The following TRPM3 variants were observed in gnomAD, a reference collection of about 807,000 sequenced individuals.
The protein encoded by TRPM3 is transient receptor potential cation channel subfamily M member 3.
TRPM3 carries 77 observed loss-of-function variants against 181.2 expected under a neutral mutation model. That is an observed-to-expected ratio of 0.42 (90% CI 0.35 to 0.51). TRPM3 has a LOEUF of 0.51. Ranked by LOEUF, TRPM3 falls within the 20% of genes least tolerant of loss-of-function variation. The pLI, the probability that TRPM3 is intolerant of heterozygous loss-of-function variation, is 0.01. For synonymous variants in TRPM3, 745 were observed against 796.4 expected (o/e 0.94, Z 1.09); for missense variants, 1,759 against 2,196.7 (o/e 0.80, Z 3.98).
chr9:71,142,265 T>C (rs1448071636), intron 1 of TRPM3, among the ~76,000 whole-genome samples: 27 of 152,178 alleles, frequency 1.8e-4, no homozygotes, highest in Admixed American at 1.8e-3. Flanking sequence ...AAAACCGTTT[T>C]GCATGTGGTG....
At position 70,888,362 on chromosome 9, in the gene TRPM3, GGTGTGTGTGT is replaced by G. The variant is rs71367235; in HGVS notation, c.178-23861_178-23852del. 6.5e-4 allele frequency among the ~76,000 whole-genome samples: 94 copies of G among 143,730 alleles called. 1 individual carries two copies. Among genetic ancestry groups the G allele is most frequent in the South Asian group, 1.1e-3 (5 of 4,416 alleles). The allele number at this position is 143,730 out of a possible 152,430, so 94.3% of individuals were successfully genotyped here. A position where few individuals can be genotyped will look rare whatever the true frequency, so the allele number is the denominator to read the frequency against. ...TTTTTTGCTCTTGCTTTTATTTTGG[GGTGTGTGTGT>G]GTGTGTGTGTGTGTGTGTGTGTGTG... On this transcript the variant is annotated intron_variant, in intron 1 of 25. Coordinates refer to ENST00000677713, the MANE Select transcript of TRPM3 (RefSeq NM_001366145.2).
chr9:71,393,455 G>T (rs2093113050), intron 1 of TRPM3, among the ~76,000 whole-genome samples: 1 of 152,174 alleles, frequency 6.6e-6, no homozygotes, highest in African/African-American at 2.4e-5. Context: ...CTAATTAAGA[G>T]TGCTTGAAAG....
chr9:70,817,276 G>A lies in TRPM3; in HGVS notation c.973+10571C>T, dbSNP rs182179893. Among the ~76,000 whole-genome samples, 157 of 152,288 alleles carry A rather than the reference G, an allele frequency of 1.0e-3. 1 individual carries two copies. Among genetic ancestry groups the A allele is most frequent in the Non-Finnish European group, 1.7e-3 (116 of 68,026 alleles). On this transcript the variant is annotated intron_variant, in intron 6 of 25. Transcript: ENST00000677713. ...TGTGTGACTTCCTCACTGTGCCTTCGAAAGGAAGGGCAGGGCCTCCCCTTG... is the reference window on the plus strand; with the variant it reads ...TGTGTGACTTCCTCACTGTGCCTTCAAAAGGAAGGGCAGGGCCTCCCCTTG...
intron 1 of TRPM3, among the ~76,000 whole-genome samples, chr9:70,956,500 A>T (rs2097073961): frequency 6.6e-6 from 1 of 152,140 alleles, no homozygotes; most frequent in Admixed American, 6.6e-5. Context: ...CTTACTGTTG[A>T]CTAAACTAGG....
chr9:70,592,098 T>C (rs1226937249), intron 21 of TRPM3, among the ~76,000 whole-genome samples: 9 of 152,226 alleles, frequency 5.9e-5, no homozygotes, highest in Non-Finnish European at 1.3e-4. Context: ...TTATTTTCCT[T>C]TTATCACTCA....
intron 1 of TRPM3, among the ~76,000 whole-genome samples, chr9:71,071,576 A>G (rs1265142794): frequency 6.6e-6 from 1 of 152,206 alleles, no homozygotes; most frequent in Non-Finnish European, 1.5e-5. Context: ...ATTGTAATCC[A>G]CATCCCACAT....
chr9:70,921,942 A>AACACACACACACACACACACACAC (rs71367238), intron 1 of TRPM3, among the ~76,000 whole-genome samples: 23 of 139,390 alleles, frequency 1.7e-4, no homozygotes, highest in Non-Finnish European at 2.5e-4. Context: ...CACACAAACA[A>AACACACACACACACACACACACAC]ACACACACAC....
At chr9:70,803,031 TGTAAAAAAA>T (rs1389804125) in intron 6 of TRPM3, among the ~76,000 whole-genome samples, 98 of 63,252 alleles carry the variant, frequency 1.5e-3, no homozygotes, top group Non-Finnish European at 2.3e-3. Flanking sequence ...GGAGAAATTT[TGTAAAAAAA>T]AAAAAAAAAA....
Position 70,621,457 on chromosome 9 carries a change from C to T in TRPM3, c.1810-184G>A, listed in dbSNP as rs570965176. On this transcript the variant is annotated intron_variant, in intron 14 of 25. Coordinates refer to ENST00000677713, the MANE Select transcript of TRPM3 (RefSeq NM_001366145.2). The stretch of plus-strand genomic sequence containing the variant: ...ATGGTTCACTGCAGCCTCAACCTCC[C>T]GGGCTCAAGTGATTCTCCTACTTCA... 7.9e-5 allele frequency among the ~76,000 whole-genome samples: 12 copies of T among 152,108 alleles called. No homozygotes were observed. In the South Asian group the frequency reaches 1.0e-3, roughly 13 times the overall value.
At chr9:70,936,898 A>G (rs2096833752) in intron 1 of TRPM3, among the ~76,000 whole-genome samples, 1 of 152,188 alleles carries the variant, frequency 6.6e-6, no homozygotes, top group Non-Finnish European at 1.5e-5. Flanking sequence ...CTAGGCTCTT[A>G]GCTCCAAAGA....
intron 6 of TRPM3, among the ~76,000 whole-genome samples, chr9:70,804,710 C>T (rs991985574): frequency 6.6e-6 from 1 of 151,500 alleles, no homozygotes; most frequent in Non-Finnish European, 1.5e-5. Flanking sequence ...CTTCCCTTCC[C>T]TTCTCTTCTC....
intron 9 of TRPM3, among the ~76,000 whole-genome samples, chr9:70,647,924 A>G (rs1471923943): frequency 6.6e-5 from 10 of 152,234 alleles, no homozygotes; most frequent in Non-Finnish European, 1.3e-4. Context: ...ACAAATCAAG[A>G]ATGCAATATC....
intron 8 of TRPM3, among the ~76,000 whole-genome samples, chr9:70,741,940 C>A (rs538847276): frequency 2.6e-5 from 4 of 152,222 alleles, no homozygotes; most frequent in African/African-American, 7.2e-5. Context: ...TTCATGTAAC[C>A]AAACACCATC....
chr9:71,130,801 T>C (rs116705689), intron 1 of TRPM3, among the ~76,000 whole-genome samples: 133 of 152,210 alleles, frequency 8.7e-4, no homozygotes, highest in African/African-American at 3.1e-3. Context: ...GAGATGATAA[T>C]AGAGAAAGAA....
chr9:71,334,373 T>C (rs1331884312), intron 1 of TRPM3, among the ~76,000 whole-genome samples: 1 of 151,800 alleles, frequency 6.6e-6, no homozygotes, highest in Non-Finnish European at 1.5e-5. Context: ...TTAACATACA[T>C]GAGTTGCAAA....
Position 71,269,550 on chromosome 9 carries a change from G to A in TRPM3, c.183+177103C>T, listed in dbSNP as rs185491685. On this transcript the variant is annotated intron_variant, in intron 1 of 24. Coordinates refer to the TRPM3 transcript ENST00000357533. ...TTTATAAAGAGCAAGACTCATCACT[G>A]GCCAGTGAGCTGGGAGAGTGGGCTC... is the stretch of plus-strand genomic sequence containing the variant. Among the ~76,000 whole-genome samples the A allele has an allele frequency of 1.7e-3, 262 of 152,264 alleles. 4 individuals are homozygous for A. The Middle Eastern group carries it at 0.02, about 12-fold the overall frequency.
At chr9:70,924,936 A>T (rs951058577) in intron 1 of TRPM3, among the ~76,000 whole-genome samples, 1 of 152,208 alleles carries the variant, frequency 6.6e-6, no homozygotes, top group African/African-American at 2.4e-5. Context: ...GAGAAGGAGA[A>T]GATGATGATC....
At chr9:70,698,350 G>T (rs1390962418) in intron 8 of TRPM3, among the ~76,000 whole-genome samples, 1 of 152,072 alleles carries the variant, frequency 6.6e-6, no homozygotes, top group South Asian at 2.1e-4. Context: ...TCTCTTACTA[G>T]CTGTGTCTGC....
At chr9:71,391,271 C>A (rs1002908759) in intron 1 of TRPM3, among the ~76,000 whole-genome samples, 3 of 151,930 alleles carry the variant, frequency 2.0e-5, no homozygotes, top group Non-Finnish European at 4.4e-5. Context: ...CTATTTTACA[C>A]AACAGGAAAC....
Sources: gnomAD v4.1 joint callset for allele counts (sites outside exome capture counted in the v4.1 genomes callset) on GRCh38, gnomAD v4.1.1 for gene constraint, MANE v1.5 for transcripts, NCBI Gene and HGNC (gene_info 2026-07-23, HGNC 2026-07-21) for gene names.